The following SBF1 variants were observed in gnomAD, a reference collection of about 807,000 sequenced individuals.
SBF1 encodes the protein myotubularin-related protein 5.
Under a neutral mutation model 215.8 loss-of-function variants are expected in SBF1, and 65 were observed. The ratio of observed to expected loss-of-function variants is 0.30; its 90% CI spans 0.25 to 0.37. The LOEUF is 0.37. SBF1 is among the 10% of genes least tolerant of loss of function. The pLI is 1.00. For synonymous variants in SBF1, 1,410 were observed against 1,122.8 expected (o/e 1.26, Z -5.11); for missense variants, 2,634 against 2,667.8 (o/e 0.99, Z 0.28).
At chr22:50,474,695 A>C (rs1212464731) in intron 1 of SBF1, 91 bp downstream of exon 1, 65 of 564,578 alleles carry the variant, frequency 1.2e-4, no homozygotes, top group Admixed American at 3.1e-4. Context: ...CTCGGCCCCC[A>C]GCCCCCGGCC....
At chr22:50,470,065 A>G (rs1302985969) in intron 1 of SBF1, among the ~76,000 whole-genome samples, 2 of 150,410 alleles carry the variant, frequency 1.3e-5, no homozygotes, top group African/African-American at 4.9e-5. Context: ...TGCGGGTGCC[A>G]CACCTACCTC....
In SBF1 at chr22:50,446,881, T is replaced by C. The variant is rs774090168; in HGVS notation, c.*261A>G. 1 of 745,254 alleles carries C rather than the reference T, an allele frequency of 1.3e-6. No individual in the cohort carries two copies. Among genetic ancestry groups the C allele is most frequent in the Non-Finnish European group, 2.5e-6 (1 of 407,244 alleles). 46.2% of individuals were successfully genotyped at this position (745,254 alleles called of 1,614,324 possible). ...AGCCGCTGGCTGGACCAGCACACGCTGACGGGGCCGGACTATTTACAGGCC... is the reference window on the plus strand; with the variant it reads ...AGCCGCTGGCTGGACCAGCACACGCCGACGGGGCCGGACTATTTACAGGCC... On this transcript the variant is annotated 3_prime_UTR_variant, in exon 41 of 41. Transcript: ENST00000380817.
intron 1 of SBF1, among the ~76,000 whole-genome samples, chr22:50,473,896 T>TG (rs1293541835): frequency 6.6e-6 from 1 of 152,132 alleles, no homozygotes; most frequent in Non-Finnish European, 1.5e-5. Context: ...TCTCTACAGA[T>TG]GGGGGCAACA....
At position 50,473,695 on chromosome 22, in the gene SBF1, G is replaced by C. The variant is rs12483922; in HGVS notation, c.55+1091C>G. ...TCCTTGGTGGGGACAGTGACAACTGGACTGACAAAAAACAGGGTAACTGGG... is the reference window on the plus strand; with the variant it reads ...TCCTTGGTGGGGACAGTGACAACTGCACTGACAAAAAACAGGGTAACTGGG... On this transcript the variant is annotated intron_variant, in intron 1 of 40. Coordinates refer to ENST00000380817, the MANE Select transcript of SBF1 (RefSeq NM_002972.4). Among the ~76,000 whole-genome samples, 442 of 152,198 alleles carry C rather than the reference G, an allele frequency of 2.9e-3. 2 individuals are homozygous for C. Among genetic ancestry groups the C allele is most frequent in the South Asian group, 0.021 (101 of 4,824 alleles).
intron 28 of SBF1, among the ~76,000 whole-genome samples, chr22:50,458,115 C>T (rs1012918421): frequency 2.6e-5 from 4 of 152,062 alleles, no homozygotes; most frequent in African/African-American, 7.2e-5. Flanking sequence ...CTGGCTAACA[C>T]GGTAAAACCC....
Position 50,461,789 on chromosome 22 carries a change from C to G in SBF1, c.2643+7G>C. 6.2e-7 allele frequency: 1 copy of G among 1,613,006 alleles called. No individual in the cohort carries two copies. The highest frequency in any genetic ancestry group is 8.5e-7 in the Non-Finnish European group (1 of 1,179,856). On this transcript the variant is annotated splice_region_variant and intron_variant, in intron 21 of 40. Coordinates refer to ENST00000380817, the MANE Select transcript of SBF1 (RefSeq NM_002972.4). ...GGGCCCCCGCAGCCCCAACGGCCCC[C>G]GCAAACCTTCTGGATGGGCGGCAGC...
chr22:50,450,761 C>T (rs1335248721), intron 36 of SBF1, among the ~76,000 whole-genome samples: 1 of 152,104 alleles, frequency 6.6e-6, no homozygotes, highest in Non-Finnish European at 1.5e-5. Context: ...CAAGCTGACG[C>T]ACAAGCTCAT....
chr22:50,465,018 T>C lies in SBF1; in HGVS notation c.1315A>G (p.Thr439Ala). 2 of 1,613,838 alleles carry C rather than the reference T, an allele frequency of 1.2e-6. No homozygotes were observed. The highest frequency in any genetic ancestry group is 1.7e-6 in the Non-Finnish European group (2 of 1,179,928). ...AGGTGCACCTCATCGAACAGGTCCG[T>C]AGGGCGGTATGGGACCCCACGCTCT... is the stretch of plus-strand genomic sequence containing the variant. ...VSERGVPYRP[T>A]DLFDELVAHE... Residue 439 changes from threonine to alanine, a missense_variant, in exon 12 of 41, where the codon ACG (threonine) becomes GCG (alanine). Physicochemically the swap from Thr to Ala is moderately conservative, Grantham distance 58. Coordinates refer to ENST00000380817, the MANE Select transcript of SBF1 (RefSeq NM_002972.4).
chr22:50,455,203 C>T (rs2067200621), intron 33 of SBF1, 21 bp downstream of exon 33: 6 of 1,612,368 alleles, frequency 3.7e-6, no homozygotes, highest in Non-Finnish European at 5.1e-6. Flanking sequence ...TCCCGGCCCA[C>T]CCACACAGCG....
intron 16 of SBF1, 87 bp from the exon 17 acceptor site, chr22:50,463,025 C>T: frequency 1.5e-6 from 2 of 1,343,712 alleles, no homozygotes; most frequent in Non-Finnish European, 2.1e-6. Context: ...CCATAACCAC[C>T]ACAGACCAGC....
chr22:50,454,470 A>G, intron 36 of SBF1, 42 bp downstream of exon 36: 1 of 1,528,844 alleles, frequency 6.5e-7, no homozygotes. Context: ...GAGCGAGAGG[A>G]GGGGGGTGCC....
rs375091908 is a variant in SBF1 at position 50,467,468 on chromosome 22, G to C, written c.439-20C>G. 3.1e-6 allele frequency: 5 copies of C among 1,613,910 alleles called. No homozygotes were observed. Among genetic ancestry groups the C allele is most frequent in the Non-Finnish European group, 3.4e-6 (4 of 1,179,926 alleles). On this transcript the variant is annotated intron_variant, in intron 4 of 40. Coordinates refer to ENST00000380817, the MANE Select transcript of SBF1 (RefSeq NM_002972.4). ...GCTGTTCTGCAATGACCAGAGCGGG[G>C]AGTGGTGGGACAGCCGATGGAAGCA...
rs189264729 is a variant in SBF1 at position 50,460,875 on chromosome 22, A to C, written c.2968-163T>G. Among the ~76,000 whole-genome samples the C allele has an allele frequency of 2.4e-3, 358 of 152,326 alleles. 2 individuals are homozygous for C. The highest frequency in any genetic ancestry group is 8.2e-3 in the African/African-American group (342 of 41,582). Reference sequence around the variant, plus strand: ...GTCACACGAAGGCAAGCGCTTGTGTAAACTCGAAATCTCAGTGGCTGTGAG... The same window carrying C: ...GTCACACGAAGGCAAGCGCTTGTGTCAACTCGAAATCTCAGTGGCTGTGAG... On this transcript the variant is annotated intron_variant, in intron 23 of 40. Coordinates refer to ENST00000380817, the MANE Select transcript of SBF1 (RefSeq NM_002972.4).
At chr22:50,462,839 G>A (rs1234284732) in intron 17 of SBF1, 31 bp downstream of exon 17, 1 of 1,611,694 alleles carries the variant, frequency 6.2e-7, no homozygotes, top group Non-Finnish European at 8.5e-7. Flanking sequence ...GGGGGGGCTG[G>A]GAAGGAGACC....
rs2067437055 is a variant in SBF1 at position 50,460,068 on chromosome 22, A to G, written c.3375T>C (p.Ala1125=). Residue 1125 remains alanine, a synonymous_variant, in exon 26 of 41, where the codon GCT becomes GCC. Transcript: ENST00000380817. ...CGAGGCGCTGGTAGTCGCGACAGCA[A>G]GCCCTTTCCACCAGGCTGCTCATGG... is the stretch of plus-strand genomic sequence containing the variant. ...RMTMSSLVER[A]CCRDYQRLGL... 6.2e-7 allele frequency: 1 copy of G among 1,613,976 alleles called. No homozygotes were observed. Among genetic ancestry groups the G allele is most frequent in the Middle Eastern group, 1.6e-4 (1 of 6,062 alleles).
Position 50,454,882 on chromosome 22 carries a change from A to G in SBF1, c.4744T>C (p.Tyr1582His), listed in dbSNP as rs751177525. The G allele has an allele frequency of 1.2e-6, 2 of 1,613,730 alleles. No individual in the cohort carries two copies. The highest frequency in any genetic ancestry group is 1.1e-5 in the South Asian group (1 of 91,062). Residue 1582 changes from tyrosine (Y) to histidine (H), a missense_variant, in exon 35 of 41, where the codon TAT becomes CAT. Transcript: ENST00000380817. ...GQVPCRSVWE[Y>H]VDRLSKRTPV... ...GTCCTCTTGCTCAGCCGGTCCACAT[A>G]CTCCCACACAGACCTGCACGGCACC...
chr22:50,468,648 G>T (rs946584692), intron 1 of SBF1, among the ~76,000 whole-genome samples, 187 bp from the exon 2 acceptor site: 12 of 151,982 alleles, frequency 7.9e-5, no homozygotes, highest in African/African-American at 2.9e-4. Flanking sequence ...GGCCACCTGA[G>T]GGTAGAGAAG....
At chr22:50,451,564 G>A (rs2067049153) in intron 36 of SBF1, among the ~76,000 whole-genome samples, 1 of 152,096 alleles carries the variant, frequency 6.6e-6, no homozygotes, top group Non-Finnish European at 1.5e-5. Flanking sequence ...AGAAGCAATG[G>A]CTTGAAATGT....
intron 1 of SBF1, among the ~76,000 whole-genome samples, chr22:50,472,115 G>A (rs922945700): frequency 7.2e-5 from 11 of 152,216 alleles, no homozygotes; most frequent in Non-Finnish European, 1.5e-4. Flanking sequence ...AGCACAGAAG[G>A]TGATCCCTGA....
Sources: allele counts gnomAD v4.1 joint callset (sites outside exome capture counted in the v4.1 genomes callset), GRCh38; gene constraint gnomAD v4.1.1; transcripts MANE v1.5; gene names NCBI Gene and HGNC (gene_info 2026-07-23, HGNC 2026-07-21).